The following XKR9 variants were observed in gnomAD, a reference collection of about 807,000 sequenced individuals.
XKR9 encodes the protein XK-related protein 9.
A neutral mutation model predicts 32.0 loss-of-function variants in XKR9; 32 were observed. The observed-to-expected ratio is 1.00, with a 90% CI of 0.76 to 1.34. The LOEUF is 1.34. XKR9 is among the 40% of genes most tolerant of loss of function. The pLI, the probability that XKR9 is intolerant of heterozygous loss-of-function variation, is 0.00. For synonymous variants in XKR9, 168 were observed against 143.4 expected, an observed-to-expected ratio of 1.17 and a Z score of -1.22; for missense variants, 546 against 429.7, an observed-to-expected ratio of 1.27 and a Z score of -2.39.
At chr8:70,847,887 C>T in the XKR9 span, among the ~76,000 whole-genome samples, 1 of 151,784 alleles carries the variant, frequency 6.6e-6, no homozygotes, top group Non-Finnish European at 1.5e-5. Context: ...AAGTCTACCA[C>T]TCTTATAAAA....
the XKR9 span, among the ~76,000 whole-genome samples, chr8:70,809,096 AC>A: frequency 8.5e-5 from 13 of 152,100 alleles, no homozygotes; most frequent in African/African-American, 1.2e-4. Context: ...CTGAGACAAA[AC>A]TTCCAGGGGA....
chr8:70,951,314 T>C, the XKR9 span, among the ~76,000 whole-genome samples: 1 of 152,248 alleles, frequency 6.6e-6, no homozygotes, highest in Non-Finnish European at 1.5e-5. Flanking sequence ...CCATTTGTGA[T>C]TGTTTTTTAA....
chr8:70,958,397 A>T, the XKR9 span, among the ~76,000 whole-genome samples: 1 of 152,036 alleles, frequency 6.6e-6, no homozygotes, highest in Non-Finnish European at 1.5e-5. Context: ...AGTCATTCTG[A>T]CTGGTTTTAA....
intron 3 of XKR9, among the ~76,000 whole-genome samples, chr8:70,704,338 G>A (rs1438901788): frequency 6.6e-6 from 1 of 152,058 alleles, no homozygotes; most frequent in Admixed American, 6.6e-5. Context: ...AATTGTTTCA[G>A]AATTAGAAAA....
At chr8:71,061,707 G>A in the XKR9 span, among the ~76,000 whole-genome samples, 1 of 152,166 alleles carries the variant, frequency 6.6e-6, no homozygotes, top group Admixed American at 6.5e-5. Context: ...CTGAGATATA[G>A]AGGCTAAGTG....
At chr8:70,900,698 A>G in the XKR9 span, among the ~76,000 whole-genome samples, 1 of 152,208 alleles carries the variant, frequency 6.6e-6, no homozygotes, top group Non-Finnish European at 1.5e-5. Context: ...TCTAGGGTAC[A>G]TGGGTGCAAC....
the XKR9 span, among the ~76,000 whole-genome samples, chr8:70,924,514 T>C: frequency 6.6e-6 from 1 of 152,214 alleles, no homozygotes; most frequent in East Asian, 1.9e-4. Flanking sequence ...TCTTCTTCCA[T>C]ACTACTGAGA....
chr8:70,838,133 G>A, the XKR9 span, among the ~76,000 whole-genome samples: 1 of 152,084 alleles, frequency 6.6e-6, no homozygotes, highest in African/African-American at 2.4e-5. Flanking sequence ...TAAATAATAT[G>A]TTTCAAGAGA....
chr8:70,736,392 G>T (rs552739855), downstream of XKR9, among the ~76,000 whole-genome samples: 1 of 151,922 alleles, frequency 6.6e-6, no homozygotes, highest in South Asian at 2.1e-4. Context: ...AGTAGGTTGC[G>T]AACATTTTCT....
chr8:71,049,519 C>A, the XKR9 span, among the ~76,000 whole-genome samples: 2 of 152,174 alleles, frequency 1.3e-5, no homozygotes, highest in Non-Finnish European at 2.9e-5. Flanking sequence ...GTGAAGTGAT[C>A]CCAACACAGA....
intron 2 of XKR9, chr8:70,781,077 A>G (rs760549625): frequency 1.6e-4 from 25 of 151,736 alleles, no homozygotes; most frequent in Non-Finnish European, 1.9e-4. Flanking sequence ...AATTCTTTTC[A>G]TTTTCTTTTT....
At chr8:70,751,680 C>T (rs887978455) in intron 2 of XKR9, among the ~76,000 whole-genome samples, 10 of 152,146 alleles carry the variant, frequency 6.6e-5, no homozygotes, top group Admixed American at 5.2e-4. Context: ...TCTACCTCCT[C>T]CTGCCCTTGG....
At chr8:70,750,516 T>C (rs949071978) in intron 2 of XKR9, among the ~76,000 whole-genome samples, 2 of 152,210 alleles carry the variant, frequency 1.3e-5, no homozygotes, top group African/African-American at 4.8e-5. Flanking sequence ...TTTTTCTTGG[T>C]ATCTGTAGAT....
chr8:70,851,205 C>T, the XKR9 span, among the ~76,000 whole-genome samples: 5 of 152,066 alleles, frequency 3.3e-5, no homozygotes, highest in Admixed American at 3.3e-4. Context: ...GAATAAAATA[C>T]TTAGGAATAC....
the XKR9 span, among the ~76,000 whole-genome samples, chr8:70,993,196 TCTC>T: frequency 7.0e-6 from 1 of 143,838 alleles, no homozygotes; most frequent in Non-Finnish European, 1.5e-5. Flanking sequence ...AGATTGTCCT[TCTC>T]CTACCCTAGC....
the XKR9 span, among the ~76,000 whole-genome samples, chr8:70,870,103 T>A: frequency 1.9e-4 from 29 of 152,328 alleles, no homozygotes; most frequent in African/African-American, 6.7e-4. Context: ...TTTTTGATGA[T>A]TTACTTGAGG....
chr8:70,701,087 G>C (rs895819541), intron 3 of XKR9, among the ~76,000 whole-genome samples: 4 of 152,294 alleles, frequency 2.6e-5, no homozygotes, highest in Admixed American at 2.0e-4. Flanking sequence ...GGTGCCGTCT[G>C]TAACCCCTTT....
At chr8:71,029,507 TA>T in the XKR9 span, among the ~76,000 whole-genome samples, 1 of 152,152 alleles carries the variant, frequency 6.6e-6, no homozygotes, top group Non-Finnish European at 1.5e-5. Flanking sequence ...TTTAATTTAA[TA>T]ATAGACAACA....
chr8:70,973,242 A>G, the XKR9 span, among the ~76,000 whole-genome samples: 1 of 151,916 alleles, frequency 6.6e-6, no homozygotes, highest in Admixed American at 6.6e-5. Context: ...GTTTTCTAGT[A>G]TGTATGTAAA....
Sources: allele counts gnomAD v4.1 joint callset (sites outside exome capture counted in the v4.1 genomes callset), GRCh38; gene constraint gnomAD v4.1.1; transcripts MANE v1.5; gene names NCBI Gene and HGNC (gene_info 2026-07-23, HGNC 2026-07-21).